The following ADAM12 variants were observed in gnomAD, a reference collection of about 807,000 sequenced individuals.
The protein encoded by ADAM12 is disintegrin and metalloproteinase domain-containing protein 12.
Under a neutral mutation model 106.4 loss-of-function variants are expected in ADAM12, and 70 were observed. The observed-to-expected ratio is 0.66, with a 90% CI of 0.54 to 0.80. ADAM12 has a LOEUF of 0.80. ADAM12 is among the 30% of genes least tolerant of loss of function. The pLI is 0.00. For synonymous variants in ADAM12, 420 were observed against 433.5 expected (o/e 0.97, Z 0.39); for missense variants, 1,010 against 1,171.9 (o/e 0.86, Z 2.02).
intron 5 of ADAM12, among the ~76,000 whole-genome samples, chr10:126,118,820 T>C (rs1956034867): frequency 1.3e-5 from 2 of 152,238 alleles, no homozygotes; most frequent in African/African-American, 2.4e-5. Flanking sequence ...TGCCTTTGTG[T>C]ACCCATAGCT....
At chr10:126,337,919 GA>G (rs148778854) in intron 1 of ADAM12, among the ~76,000 whole-genome samples, 4,146 of 152,114 alleles carry the variant, frequency 0.027, 90 homozygotes, top group Middle Eastern at 0.044. Context: ...CTTTTATGAT[GA>G]AAAAATAAAC....
chr10:126,126,447 G>A (rs952268827), intron 5 of ADAM12, among the ~76,000 whole-genome samples: 10 of 152,072 alleles, frequency 6.6e-5, no homozygotes, highest in East Asian at 3.9e-4. Context: ...CCTTATTTTC[G>A]TTGTTTTTTT....
intron 3 of ADAM12, among the ~76,000 whole-genome samples, chr10:126,276,734 G>A (rs909236281): frequency 6.6e-6 from 1 of 152,144 alleles, no homozygotes; most frequent in African/African-American, 2.4e-5. Flanking sequence ...CAGTGAGGTT[G>A]CAAAGAGAGA....
chr10:126,282,626 C>G (rs1959639325), intron 2 of ADAM12, among the ~76,000 whole-genome samples: 1 of 152,142 alleles, frequency 6.6e-6, no homozygotes. Context: ...TAGATTTATA[C>G]ATATGGTTGT....
intron 3 of ADAM12, among the ~76,000 whole-genome samples, chr10:126,206,864 G>T (rs1348490242): frequency 1.4e-5 from 2 of 146,274 alleles, no homozygotes; most frequent in African/African-American, 5.0e-5. Flanking sequence ...TGGGGGCGGG[G>T]GGGAGCCAGT....
chr10:126,299,564 A>G (rs1337971204), intron 2 of ADAM12, among the ~76,000 whole-genome samples: 1 of 151,584 alleles, frequency 6.6e-6, no homozygotes, highest in Non-Finnish European at 1.5e-5. Context: ...TGACTCCCCC[A>G]CCCCTAAAAA....
At chr10:126,079,407 T>G (rs534645475) in intron 11 of ADAM12, among the ~76,000 whole-genome samples, 7 of 152,168 alleles carry the variant, frequency 4.6e-5, no homozygotes, top group Non-Finnish European at 8.8e-5. Context: ...GTTCATTTCA[T>G]GTACACGGAA....
intron 4 of ADAM12, among the ~76,000 whole-genome samples, chr10:126,151,899 A>C (rs1565097636): frequency 6.6e-6 from 1 of 151,842 alleles, no homozygotes; most frequent in Admixed American, 6.6e-5. Context: ...TTGCATTCTT[A>C]ATATTATTTA....
At chr10:126,157,032 TG>T (rs1180746481) in intron 3 of ADAM12, among the ~76,000 whole-genome samples, 3 of 151,470 alleles carry the variant, frequency 2.0e-5, no homozygotes, top group South Asian at 2.1e-4. Context: ...TGTGTGTGTG[TG>T]GGGGGGTGCT....
At chr10:126,131,730 A>C (rs1956308300) in intron 5 of ADAM12, among the ~76,000 whole-genome samples, 1 of 152,228 alleles carries the variant, frequency 6.6e-6, no homozygotes, top group African/African-American at 2.4e-5. Flanking sequence ...TGGACTTTCC[A>C]GGCTCAAGAA....
intron 1 of ADAM12, among the ~76,000 whole-genome samples, chr10:126,383,452 G>A (rs561816094): frequency 5.2e-4 from 79 of 152,132 alleles, no homozygotes; most frequent in Admixed American, 8.5e-4. Flanking sequence ...ATTGAAGAAC[G>A]AATATAAGAA....
chr10:126,268,180 T>C (rs558064059), intron 3 of ADAM12, among the ~76,000 whole-genome samples: 33 of 152,330 alleles, frequency 2.2e-4, no homozygotes, highest in African/African-American at 7.7e-4. Context: ...ATTTTGCCTA[T>C]TCGAATTTTG....
intron 2 of ADAM12, among the ~76,000 whole-genome samples, chr10:126,286,799 T>A (rs1276889934): frequency 6.6e-6 from 1 of 152,240 alleles, no homozygotes; most frequent in Non-Finnish European, 1.5e-5. Flanking sequence ...ATTCTTGAGT[T>A]ACTGACAATT....
intron 1 of ADAM12, among the ~76,000 whole-genome samples, chr10:126,331,460 A>C (rs1348175428): frequency 6.6e-6 from 1 of 152,182 alleles, no homozygotes; most frequent in Non-Finnish European, 1.5e-5. Context: ...AATCCTAGAC[A>C]TTTTACAGTT....
chr10:126,346,826 C>CA (rs1855158483), intron 1 of ADAM12, among the ~76,000 whole-genome samples: 1 of 152,180 alleles, frequency 6.6e-6, no homozygotes, highest in South Asian at 2.1e-4. Context: ...TCTGTTTTAT[C>CA]AGAGACTAGG....
intron 3 of ADAM12, among the ~76,000 whole-genome samples, chr10:126,193,013 C>G (rs1223197140): frequency 6.6e-6 from 1 of 152,106 alleles, no homozygotes; most frequent in Admixed American, 6.5e-5. Flanking sequence ...TGCCTGTAAT[C>G]CCAGCACTTT....
intron 5 of ADAM12, among the ~76,000 whole-genome samples, chr10:126,123,988 T>A (rs1956157788): frequency 6.6e-6 from 1 of 152,178 alleles, no homozygotes; most frequent in Non-Finnish European, 1.5e-5. Flanking sequence ...TCAAGAGACC[T>A]ATATTTCCTC....
chr10:126,293,566 T>C (rs141697816), intron 2 of ADAM12, among the ~76,000 whole-genome samples: 115 of 152,306 alleles, frequency 7.6e-4, no homozygotes, highest in African/African-American at 2.5e-3. Flanking sequence ...TCACCCAGAC[T>C]GGAGTGCAGT....
intron 3 of ADAM12, among the ~76,000 whole-genome samples, chr10:126,214,068 C>T (rs888640202): frequency 3.3e-5 from 5 of 152,132 alleles, no homozygotes; most frequent in African/African-American, 4.8e-5. Flanking sequence ...CACTGGAAAC[C>T]ACTATAATGC....
Sources: allele counts gnomAD v4.1 joint callset (sites outside exome capture counted in the v4.1 genomes callset), GRCh38; gene constraint gnomAD v4.1.1; transcripts MANE v1.5; gene names NCBI Gene and HGNC (gene_info 2026-07-23, HGNC 2026-07-21).